The following MYRF variants were observed in gnomAD, a reference collection of about 807,000 sequenced individuals.
MYRF encodes the protein myelin gene regulatory factor.
Under a neutral mutation model 126.3 loss-of-function variants are expected in MYRF, and 16 were observed. The ratio of observed to expected loss-of-function variants is 0.13; its 90% CI spans 0.09 to 0.19. The LOEUF is 0.19. MYRF is among the 10% of genes least tolerant of loss of function. MYRF has a pLI of 1.00. For synonymous variants in MYRF, 608 were observed against 635.3 expected (o/e 0.96, Z 0.65); for missense variants, 1,104 against 1,547.0 (o/e 0.71, Z 4.80).
chr11:61,770,648 G>A, intron 5 of MYRF, 123 bp downstream of exon 5: 1 of 891,472 alleles, frequency 1.1e-6, no homozygotes, highest in Non-Finnish European at 1.7e-6. Flanking sequence ...AGGGCAGAAG[G>A]CTCTGCAGGG....
chr11:61,784,218 G>C, intron 24 of MYRF, 62 bp from the exon 25 acceptor site: 1 of 1,481,876 alleles, frequency 6.7e-7, no homozygotes, highest in South Asian at 1.2e-5. Flanking sequence ...GGCTGGCTGG[G>C]AGGGGGCTGG....
In MYRF at chr11:61,783,620, C is replaced by G; in HGVS notation, c.3119+20C>G. 1 of 1,599,308 alleles carries G rather than the reference C, an allele frequency of 6.3e-7. No homozygotes were observed. The highest frequency in any genetic ancestry group is 8.6e-7 in the Non-Finnish European group (1 of 1,167,652). Reference sequence around the variant, plus strand: ...CTGCAGGTGGGCTGGGCTCCCTCCCCTCACCCAGGGAGGTCCTCAGGTGAC... The same window carrying G: ...CTGCAGGTGGGCTGGGCTCCCTCCCGTCACCCAGGGAGGTCCTCAGGTGAC... On this transcript the variant is annotated intron_variant, in intron 23 of 26. Transcript: ENST00000278836. This position sits in a 1 kb window ranked among gnomAD's most constrained non-coding sequence, Gnocchi z 4.6.
At chr11:61,760,969 G>C (rs1240831280) in intron 1 of MYRF, among the ~76,000 whole-genome samples, 1 of 152,174 alleles carries the variant, frequency 6.6e-6, no homozygotes. Flanking sequence ...TGCTCTGAGA[G>C]GACACTCAGA....
Position 61,781,049 on chromosome 11 carries a change from C to T in MYRF, c.2572+4C>T, listed in dbSNP as rs760897244. On this transcript the variant is annotated splice_donor_region_variant and intron_variant, in intron 20 of 26. Transcript: ENST00000278836. ...ATACAGCCCTCTTTGCTGCTGGGTGCGTGTCTGGGCAGGTCTGGGTAGGAC... is the reference window on the plus strand; with the variant it reads ...ATACAGCCCTCTTTGCTGCTGGGTGTGTGTCTGGGCAGGTCTGGGTAGGAC... 5.0e-6 allele frequency: 8 copies of T among 1,609,844 alleles called. No homozygotes were observed. The highest frequency in any genetic ancestry group is 2.2e-5 in the East Asian group (1 of 44,882).
At chr11:61,784,009 G>A in intron 24 of MYRF, 84 bp downstream of exon 24, 1 of 1,448,714 alleles carries the variant, frequency 6.9e-7, no homozygotes. Flanking sequence ...CGAGTCTGAG[G>A]ACAGCCGGAG....
Position 61,786,236 on chromosome 11 carries a change from C to A in MYRF, c.*93C>A. 1 of 1,197,606 alleles carries A rather than the reference C, an allele frequency of 8.3e-7. No homozygotes were observed. Among genetic ancestry groups the A allele is most frequent in the Non-Finnish European group, 1.2e-6 (1 of 817,652 alleles). The allele number at this position is 1,197,606 out of a possible 1,614,324, so 74.2% of individuals were successfully genotyped here. On this transcript the variant is annotated 3_prime_UTR_variant, in exon 27 of 27. Transcript: ENST00000278836. The surrounding 1 kb of genome is among the most constrained non-coding windows in gnomAD (Gnocchi z 4.5). ...AATGGTGTTACACTGGAGCCCGCTG[C>A]AGGCCAGCTCTGCTGTTCACTGGCC... is the stretch of plus-strand genomic sequence containing the variant.
In MYRF at chr11:61,757,552, G is replaced by C. The variant is rs1236281710; in HGVS notation, c.46+4762G>C. The C allele has an allele frequency of 2.2e-6, 1 of 456,418 alleles. No individual in the cohort carries two copies. The highest frequency in any genetic ancestry group is 4.4e-6 in the Non-Finnish European group (1 of 226,918). 28.3% of individuals were successfully genotyped at this position (456,418 alleles called of 1,614,324 possible). ...TAAGCTTAGGGGGCTTGTTGAGCAT[G>C]TTCTGTGGTTCTGTGTGCAAGGCCT... is the stretch of plus-strand genomic sequence containing the variant. On this transcript the variant is annotated intron_variant, in intron 1 of 26. Coordinates refer to ENST00000278836, the MANE Select transcript of MYRF (RefSeq NM_001127392.3). The surrounding 1 kb of genome is among the most constrained non-coding windows in gnomAD (Gnocchi z 4.7).
chr11:61,765,514 G>A, intron 1 of MYRF, 111 bp from the exon 2 acceptor site: 1 of 778,624 alleles, frequency 1.3e-6, no homozygotes, highest in Non-Finnish European at 2.1e-6. Context: ...GAAGGAGCAG[G>A]GGCATCTGTT....
Position 61,766,062 on chromosome 11 carries a change from G to T in MYRF, c.239G>T (p.Gly80Val), listed in dbSNP as rs777191147. The change falls in exon 3 of 27, where the codon GGT (glycine) becomes GTT (valine). Residue 80 changes from glycine to valine, a missense_variant. Physicochemically the swap from Gly to Val is moderately radical, Grantham distance 109. Coordinates refer to ENST00000278836, the MANE Select transcript of MYRF (RefSeq NM_001127392.3). ...SGVHHLSPPG[G>V]GPSPGRHGPL... is the part of the protein sequence containing the mutation. ...GTCCACCACCTGAGCCCCCCTGGGG[G>T]TGGACCCTCCCCGGGGCGCCATGGT... The T allele has an allele frequency of 1.9e-6, 3 of 1,604,522 alleles. No homozygotes were observed. Among genetic ancestry groups the T allele is most frequent in the Non-Finnish European group, 2.5e-6 (3 of 1,178,174 alleles).
In MYRF at chr11:61,779,228, T is replaced by TTGGCCCATGGCCCATGGCCCA. The variant is rs534400107; in HGVS notation, c.2014-23_2014-3dup. The TTGGCCCATGGCCCATGGCCCA allele has an allele frequency of 8.6e-5, 132 of 1,527,410 alleles. No homozygotes were observed. In the South Asian group the frequency reaches 1.1e-3, roughly 12 times the overall value. The allele number at this position is 1,527,410 out of a possible 1,614,324, so 94.6% of individuals were successfully genotyped here. A position where few individuals can be genotyped will look rare whatever the true frequency, so the allele number is the denominator to read the frequency against. On this transcript the variant is annotated intron_variant, in intron 14 of 26. Transcript: ENST00000278836. ...CCCGGGGCTGACTGGGCCCTCTGTG[T>TTGGCCCATGGCCCATGGCCCA]TGGCCCATGGCCCATGGCCCATGGC...
At chr11:61,769,098 A>G (rs1261300663) in intron 3 of MYRF, among the ~76,000 whole-genome samples, 162 bp from the exon 4 acceptor site, 2 of 152,170 alleles carry the variant, frequency 1.3e-5, no homozygotes, top group East Asian at 1.9e-4. Context: ...AGGCACCCCA[A>G]TGTGGGTGGT....
intron 17 of MYRF, 141 bp downstream of exon 17, chr11:61,780,071 G>A: frequency 8.4e-7 from 1 of 1,196,214 alleles, no homozygotes; most frequent in African/African-American, 1.5e-5. Context: ...CGGTGAGGTG[G>A]GCCTTTCTGC....
intron 1 of MYRF, chr11:61,754,249 A>T (rs955265551): frequency 1.3e-5 from 2 of 152,400 alleles, no homozygotes; most frequent in African/African-American, 4.8e-5. Flanking sequence ...AGCCTCAGTC[A>T]TCCCACTCCA....
At chr11:61,780,845 C>T in intron 19 of MYRF, 53 bp downstream of exon 19, 2 of 1,557,808 alleles carry the variant, frequency 1.3e-6, no homozygotes, top group Admixed American at 1.8e-5. Flanking sequence ...CCTCTTCCTG[C>T]CTCCCTCCCC....
chr11:61,788,265 C>G lies in MYRF; in HGVS notation c.*2122C>G, dbSNP rs1346785099. 1.3e-5 allele frequency: 2 copies of G among 152,354 alleles called. No individual in the cohort carries two copies. Among genetic ancestry groups the G allele is most frequent in the African/African-American group, 2.4e-5 (1 of 41,414 alleles). The allele number at this position is 152,354 out of a possible 1,614,324, so 9.4% of individuals were successfully genotyped here. Reference sequence around the variant, plus strand: ...CCTAGCTTCAAGCTGTACATAGGGCCTCCCAGTGCAAATCCTCCTGCCCAT... The same window carrying G: ...CCTAGCTTCAAGCTGTACATAGGGCGTCCCAGTGCAAATCCTCCTGCCCAT... On this transcript the variant is annotated 3_prime_UTR_variant, in exon 27 of 27. Transcript: ENST00000278836.
Position 61,757,276 on chromosome 11 carries a change from G to A in MYRF, c.46+4486G>A. ...TGGTTCTGTGCATTCGCCAGCGAGG[G>A]CAGCTGGGGTCTGTTCCTAGCTCTC... On this transcript the variant is annotated intron_variant, in intron 1 of 26. Transcript: ENST00000278836. The surrounding 1 kb of genome is among the most constrained non-coding windows in gnomAD (Gnocchi z 4.7). 2.2e-6 allele frequency: 1 copy of A among 456,656 alleles called. No individual in the cohort carries two copies. Among genetic ancestry groups the A allele is most frequent in the Non-Finnish European group, 4.4e-6 (1 of 226,948 alleles). 28.3% of individuals were successfully genotyped at this position (456,656 alleles called of 1,614,324 possible).
chr11:61,779,821 A>T, intron 16 of MYRF, 21 bp from the exon 17 acceptor site: 1 of 1,610,606 alleles, frequency 6.2e-7, no homozygotes, highest in South Asian at 1.1e-5. Context: ...TTGCATTTGC[A>T]CTTTTCCTCT....
In MYRF at chr11:61,777,029, CT is replaced by C; in HGVS notation, c.1590+153del. The C allele has an allele frequency of 6.0e-6, 5 of 831,500 alleles. No homozygotes were observed. Among genetic ancestry groups the C allele is most frequent in the Non-Finnish European group, 9.2e-6 (5 of 540,694 alleles). 51.5% of individuals were successfully genotyped at this position (831,500 alleles called of 1,614,324 possible). ...GCCTTGGGCAAAGCTCCCACCCTCTCTGGGCTGCAGGGTCTCCACAGTAAAG... is the reference window on the plus strand; with the variant it reads ...GCCTTGGGCAAAGCTCCCACCCTCTCGGGCTGCAGGGTCTCCACAGTAAAG... On this transcript the variant is annotated intron_variant, in intron 11 of 26. Coordinates refer to ENST00000278836, the MANE Select transcript of MYRF (RefSeq NM_001127392.3). This position sits in a 1 kb window ranked among gnomAD's most constrained non-coding sequence, Gnocchi z 8.8.
In MYRF at chr11:61,781,318, C is replaced by T. The variant is rs2066538905; in HGVS notation, c.2753C>T (p.Thr918Ile). The change falls in exon 21 of 27, where the codon ACC becomes ATC. Residue 918 changes from threonine (T) to isoleucine (I), a missense_variant. Physicochemically the swap from Thr to Ile is moderately conservative, Grantham distance 89. Coordinates refer to ENST00000278836, the MANE Select transcript of MYRF (RefSeq NM_001127392.3). ...CTCAGCCCAAGTCCCAGCCCCAGCACCAACCGCTCAGGTAAGGCTTTCTGT... is the reference window on the plus strand; with the variant it reads ...CTCAGCCCAAGTCCCAGCCCCAGCATCAACCGCTCAGGTAAGGCTTTCTGT... ...HVLSPSPSPSTNRSGPSQMAL... is the reference protein window; with the variant it reads ...HVLSPSPSPSINRSGPSQMAL... 3 of 1,614,056 alleles carry T rather than the reference C, an allele frequency of 1.9e-6. No homozygotes were observed. Among genetic ancestry groups the T allele is most frequent in the Non-Finnish European group, 1.7e-6 (2 of 1,180,000 alleles).
Sources: allele counts gnomAD v4.1 joint callset (sites outside exome capture counted in the v4.1 genomes callset), GRCh38; gene constraint gnomAD v4.1.1; non-coding constraint Gnocchi (gnomAD v3.1); transcripts MANE v1.5; gene names NCBI Gene and HGNC (gene_info 2026-07-23, HGNC 2026-07-21).